The following PHLDB2 variants were observed in gnomAD, a reference collection of about 807,000 sequenced individuals.
PHLDB2 encodes pleckstrin homology-like domain family B member 2.
Under a neutral mutation model 123.6 loss-of-function variants are expected in PHLDB2, and 71 were observed. That is an observed-to-expected ratio of 0.57 (90% CI 0.47 to 0.70). PHLDB2 has a LOEUF of 0.70. Among genes scored for constraint, PHLDB2 ranks in the 30% least tolerant of loss-of-function variants. The pLI is 0.00. For missense variants in PHLDB2, 1,446 were observed against 1,519.5 expected, an observed-to-expected ratio of 0.95 and a Z score of 0.80; for synonymous variants, 547 against 541.6, an observed-to-expected ratio of 1.01 and a Z score of -0.14.
At chr3:111,824,362 T>A (rs1260207573) in intron 1 of PHLDB2, among the ~76,000 whole-genome samples, 1 of 152,160 alleles carries the variant, frequency 6.6e-6, no homozygotes, top group African/African-American at 2.4e-5. Flanking sequence ...CCTTTCTTCC[T>A]TTCCAACAGA....
At chr3:111,839,121 G>A (rs760684518) in intron 1 of PHLDB2, among the ~76,000 whole-genome samples, 22 of 152,080 alleles carry the variant, frequency 1.4e-4, no homozygotes, top group Non-Finnish European at 2.9e-4. Context: ...CATTACCCCT[G>A]GTACTGAGAG....
At chr3:111,921,419 C>G (rs1350221299) in intron 5 of PHLDB2, among the ~76,000 whole-genome samples, 2 of 151,984 alleles carry the variant, frequency 1.3e-5, no homozygotes, top group Non-Finnish European at 2.9e-5. Context: ...TTTTTAGGCT[C>G]TTATTTGTTT....
chr3:111,915,621 G>C (rs1282211920), intron 3 of PHLDB2: 1 of 152,266 alleles, frequency 6.6e-6, no homozygotes, highest in Non-Finnish European at 1.5e-5. Flanking sequence ...GTAGAGACAA[G>C]GTTTCACCCT....
chr3:111,823,479 G>C (rs1172459227), intron 1 of PHLDB2, among the ~76,000 whole-genome samples: 8 of 152,080 alleles, frequency 5.3e-5, no homozygotes, highest in Non-Finnish European at 1.5e-5. Flanking sequence ...GGAAAACAAT[G>C]CCCCTAATCA....
chr3:111,936,881 T>A (rs749331615), intron 6 of PHLDB2, among the ~76,000 whole-genome samples: 6 of 152,214 alleles, frequency 3.9e-5, no homozygotes, highest in Non-Finnish European at 8.8e-5. Flanking sequence ...GTGCTTATTA[T>A]GTCAGCCAGT....
intron 1 of PHLDB2, among the ~76,000 whole-genome samples, chr3:111,779,287 T>A (rs1368096444): frequency 6.6e-6 from 1 of 152,038 alleles, no homozygotes; most frequent in African/African-American, 2.4e-5. Context: ...CTGGGGTACA[T>A]GTGCAGGTTT....
At chr3:111,778,647 GCT>G (rs2060311416) in intron 1 of PHLDB2, among the ~76,000 whole-genome samples, 1 of 151,998 alleles carries the variant, frequency 6.6e-6, no homozygotes, top group Admixed American at 6.6e-5. Flanking sequence ...GGCAACTCGT[GCT>G]CTCATGTAAA....
At chr3:111,883,415 T>A (rs1363592548) in intron 1 of PHLDB2, among the ~76,000 whole-genome samples, 1 of 152,208 alleles carries the variant, frequency 6.6e-6, no homozygotes, top group Non-Finnish European at 1.5e-5. Flanking sequence ...TTCAGGTTTT[T>A]AAATATACCA....
At chr3:111,969,937 A>AT in intron 16 of PHLDB2, 28 bp downstream of exon 16, 1 of 1,603,082 alleles carries the variant, frequency 6.2e-7, no homozygotes, top group Non-Finnish European at 8.5e-7. Context: ...TTTAAGCCAT[A>AT]TACTCAAATC....
rs868457931 is a variant in PHLDB2, at chr3:111,969,924, C to T, written c.3535+15C>T. On this transcript the variant is annotated intron_variant, in intron 16 of 17. Coordinates refer to ENST00000431670, the MANE Select transcript of PHLDB2 (RefSeq NM_001134438.2). ...TTATTATGCAGGTGGGTGATAAAAA[C>T]AATTTAAGCCATATACTCAAATCAA... 5.0e-6 allele frequency: 8 copies of T among 1,609,196 alleles called. No homozygotes were observed. Among genetic ancestry groups the T allele is most frequent in the Admixed American group, 1.7e-5 (1 of 59,968 alleles).
chr3:111,784,348 G>T (rs1176778439), intron 1 of PHLDB2, among the ~76,000 whole-genome samples: 2 of 152,182 alleles, frequency 1.3e-5, no homozygotes, highest in Non-Finnish European at 2.9e-5. Context: ...CTCATTGGAA[G>T]CTTGCATTTC....
chr3:111,865,386 G>T lies in PHLDB2; in HGVS notation c.-15+5810G>T, dbSNP rs1175460998. On this transcript the variant is annotated intron_variant, in intron 1 of 17. Transcript: ENST00000431670. ...TTTGGAATGTCATGGGCAACAGTCCGGTGAAATCTTTTCCCAATTAGGTAG... is the reference window on the plus strand; with the variant it reads ...TTTGGAATGTCATGGGCAACAGTCCTGTGAAATCTTTTCCCAATTAGGTAG... 2.0e-5 allele frequency among the ~76,000 whole-genome samples: 3 copies of T among 152,080 alleles called. No individual in the cohort carries two copies. The East Asian group carries it at 5.8e-4, about 29-fold the overall frequency.
At chr3:111,942,467 T>A (rs1266305589) in intron 8 of PHLDB2, among the ~76,000 whole-genome samples, 1 of 152,122 alleles carries the variant, frequency 6.6e-6, no homozygotes, top group East Asian at 1.9e-4. Context: ...ATACCTGGAG[T>A]GGTGAAAATT....
intron 1 of PHLDB2, among the ~76,000 whole-genome samples, chr3:111,797,260 A>G (rs1405084332): frequency 6.6e-6 from 1 of 152,238 alleles, no homozygotes; most frequent in East Asian, 1.9e-4. Flanking sequence ...ACATATCACC[A>G]GTGCCTAATG....
chr3:111,961,087 C>T (rs9859105), intron 12 of PHLDB2, among the ~76,000 whole-genome samples: 21,512 of 152,146 alleles, frequency 0.14, 1,819 homozygotes, highest in South Asian at 0.24. Flanking sequence ...AATCCCAGCA[C>T]TTTGGGAGGC....
chr3:111,917,116 C>T (rs1356473226), intron 3 of PHLDB2: 1 of 152,026 alleles, frequency 6.6e-6, no homozygotes, highest in Non-Finnish European at 1.5e-5. Context: ...TATCATAAAG[C>T]GTTTGGTTTT....
chr3:111,845,151 G>A (rs944225540), intron 1 of PHLDB2, among the ~76,000 whole-genome samples: 103 of 151,846 alleles, frequency 6.8e-4, no homozygotes, highest in Admixed American at 1.5e-3. Context: ...TCAGGAGTTC[G>A]AGACCAGCCT....
chr3:111,747,086 T>C (rs1032607543), intron 1 of PHLDB2, among the ~76,000 whole-genome samples: 2 of 152,170 alleles, frequency 1.3e-5, no homozygotes, highest in Admixed American at 6.5e-5. Flanking sequence ...CAAAATATTT[T>C]AAACAAGGAT....
chr3:111,873,227 A>T (rs2065431614), intron 1 of PHLDB2, among the ~76,000 whole-genome samples: 1 of 152,150 alleles, frequency 6.6e-6, no homozygotes, highest in Admixed American at 6.5e-5. Flanking sequence ...CTGCTGTTAT[A>T]TTTTGTTTGG....
Sources: allele counts gnomAD v4.1 joint callset (sites outside exome capture counted in the v4.1 genomes callset), GRCh38; gene constraint gnomAD v4.1.1; transcripts MANE v1.5; gene names NCBI Gene and HGNC (gene_info 2026-07-23, HGNC 2026-07-21).